Variants in BCL7B observed in about 807,000 individuals in gnomAD.
BCL7B encodes B-cell CLL/lymphoma 7 protein family member B.
BCL7B carries 11 observed loss-of-function variants against 26.5 expected under a neutral mutation model. That is an observed-to-expected ratio of 0.42 (90% confidence interval 0.26 to 0.69). The LOEUF is 0.69. BCL7B is among the 30% of genes least tolerant of loss of function. The probability of loss-of-function intolerance (pLI) is 0.28; values close to 1 mark genes in which losing one functional copy is unlikely to be tolerated. For missense variants in BCL7B, 215 were observed against 264.4 expected, an observed-to-expected ratio of 0.81 and a Z score of 1.30; for synonymous variants, 111 against 107.9, an observed-to-expected ratio of 1.03 and a Z score of -0.18.
At chr7:73,557,170 G>A in intron 1 of BCL7B, 1 of 1,019,542 alleles carries the variant, frequency 9.8e-7, no homozygotes, top group Non-Finnish European at 1.2e-6. Flanking sequence ...GGGGAGGGCG[G>A]GCCCCGGGCT....
At chr7:73,552,789 GA>G (rs1261536153) in intron 1 of BCL7B, among the ~76,000 whole-genome samples, 51 of 144,634 alleles carry the variant, frequency 3.5e-4, no homozygotes, top group African/African-American at 8.6e-4. Flanking sequence ...AAGAAAGAAA[GA>G]AAAAAAAAAG....
At position 73,551,012 on chromosome 7, in the gene BCL7B, A is replaced by G. The variant is rs187030587; in HGVS notation, c.168+1155T>C. 3.5e-3 allele frequency among the ~76,000 whole-genome samples: 531 copies of G among 152,316 alleles called. 7 individuals are homozygous for G. The highest frequency in any genetic ancestry group is 0.032 in the Admixed American group (496 of 15,292). The stretch of plus-strand genomic sequence containing the variant: ...ATACACATATGAAACAATGCTATGT[A>G]TTTTTAAAGAATATACAGGTATCCA... On this transcript the variant is annotated intron_variant, in intron 2 of 5. Transcript: ENST00000223368.
intron 1 of BCL7B, among the ~76,000 whole-genome samples, chr7:73,554,598 G>A (rs1792294258): frequency 6.6e-6 from 1 of 151,670 alleles, no homozygotes; most frequent in Non-Finnish European, 1.5e-5. Context: ...AGGAGTTCGA[G>A]ACCAGCCTGG....
At chr7:73,547,706 T>C (rs1554583608) in intron 2 of BCL7B, among the ~76,000 whole-genome samples, 12 of 152,176 alleles carry the variant, frequency 7.9e-5, no homozygotes. Flanking sequence ...ATTTTCAACA[T>C]GAAAGTGAAA....
chr7:73,539,472 G>T (rs1023371448), intron 4 of BCL7B, among the ~76,000 whole-genome samples: 1 of 149,166 alleles, frequency 6.7e-6, no homozygotes, highest in East Asian at 2.0e-4. Context: ...GGCTGGTCTT[G>T]AACTCCTGGC....
intron 2 of BCL7B, among the ~76,000 whole-genome samples, chr7:73,545,207 A>G (rs1339635719): frequency 1.3e-5 from 2 of 152,054 alleles, no homozygotes; most frequent in Admixed American, 6.6e-5. Flanking sequence ...TTTTGTTAAT[A>G]ACTCAATTTT....
At position 73,557,620 on chromosome 7, in the gene BCL7B, G is replaced by A. The variant is rs1792427691; in HGVS notation, c.-42C>T. On this transcript the variant is annotated 5_prime_UTR_variant, in exon 1 of 6. Coordinates refer to ENST00000223368, the MANE Select transcript of BCL7B (RefSeq NM_001707.4). Reference sequence around the variant, plus strand: ...GCGGGGGCCGGGGCACTGCTCCCAAGACACCGGGGATCGCGCGCCTCACGC... The same window carrying A: ...GCGGGGGCCGGGGCACTGCTCCCAAAACACCGGGGATCGCGCGCCTCACGC... 1.6e-5 allele frequency: 18 copies of A among 1,139,144 alleles called. No individual in the cohort carries two copies. The highest frequency in any genetic ancestry group is 4.7e-5 in the Admixed American group (1 of 21,292). 70.6% of individuals were successfully genotyped at this position (1,139,144 alleles called of 1,614,324 possible). A position where few individuals can be genotyped will look rare whatever the true frequency, so the allele number is the denominator to read the frequency against.
In BCL7B at chr7:73,537,901, C is replaced by CA. The variant is rs782520818; in HGVS notation, c.516+32dup. 17 of 1,532,560 alleles carry CA rather than the reference C, an allele frequency of 1.1e-5. No individual in the cohort carries two copies. In the African/African-American group the frequency reaches 1.7e-4, roughly 15 times the overall value. The allele number at this position is 1,532,560 out of a possible 1,614,324, so 94.9% of individuals were successfully genotyped here. A position where few individuals can be genotyped will look rare whatever the true frequency, so the allele number is the denominator to read the frequency against. On this transcript the variant is annotated intron_variant, in intron 5 of 5. Transcript: ENST00000223368. ...GAGACCCTGCCTTAAACCAAAAAAA[C>CA]AAAAAACTGGAAAACTCAAAGTGAT...
intron 1 of BCL7B, among the ~76,000 whole-genome samples, chr7:73,555,581 A>G (rs901509148): frequency 6.6e-6 from 1 of 152,112 alleles, no homozygotes; most frequent in South Asian, 2.1e-4. Context: ...GAGGAAGAAG[A>G]ATGCCAGGCG....
intron 4 of BCL7B, among the ~76,000 whole-genome samples, chr7:73,538,815 T>TAAAAAAAA: frequency 1.1e-5 from 1 of 94,564 alleles, no homozygotes; most frequent in Non-Finnish European, 2.2e-5. Flanking sequence ...CCTATCTCTT[T>TAAAAAAAA]AAAAAAAAAA....
chr7:73,541,794 G>C lies in BCL7B; in HGVS notation c.266-1742C>G, dbSNP rs1179396291. On this transcript the variant is annotated intron_variant, in intron 3 of 5. Coordinates refer to ENST00000223368, the MANE Select transcript of BCL7B (RefSeq NM_001707.4). ...ACCCAGTACTTCTTAGGAGAGGCAG[G>C]AGCTGGCCTTATCGCAACATAGGAA... Among the ~76,000 whole-genome samples, 15 of 152,270 alleles carry C rather than the reference G, an allele frequency of 9.9e-5. No individual in the cohort carries two copies. In the South Asian group the frequency reaches 3.1e-3, roughly 32 times the overall value.
chr7:73,557,040 C>T, intron 1 of BCL7B: 1 of 987,604 alleles, frequency 1.0e-6, no homozygotes, highest in Non-Finnish European at 1.2e-6. Flanking sequence ...CAGAAACTCA[C>T]CCAACTTCAA....
chr7:73,555,217 G>C (rs1207294171), intron 1 of BCL7B, among the ~76,000 whole-genome samples: 2 of 151,968 alleles, frequency 1.3e-5, no homozygotes, highest in East Asian at 3.9e-4. Flanking sequence ...GACCAGCTTG[G>C]CCAACATGGT....
intron 1 of BCL7B, among the ~76,000 whole-genome samples, chr7:73,556,326 G>A (rs1207063388): frequency 2.6e-5 from 4 of 152,048 alleles, no homozygotes; most frequent in Non-Finnish European, 4.4e-5. Flanking sequence ...TTCCTGGCGG[G>A]AGGTAACATC....
In BCL7B at chr7:73,536,471, A is replaced by G. The variant is rs1164254639; in HGVS notation, c.*827T>C. On this transcript the variant is annotated 3_prime_UTR_variant, in exon 6 of 6. Transcript: ENST00000223368. The stretch of plus-strand genomic sequence containing the variant: ...TTTTTGAAACAAAAAATAAAATCAC[A>G]AAGTTCAATTCAACATGCAGATTTC... 6.6e-6 allele frequency: 1 copy of G among 152,616 alleles called. No homozygotes were observed. The highest frequency in any genetic ancestry group is 1.5e-5 in the Non-Finnish European group (1 of 68,046). The allele number at this position is 152,616 out of a possible 1,614,324, so 9.5% of individuals were successfully genotyped here. A position where few individuals can be genotyped will look rare whatever the true frequency, so the allele number is the denominator to read the frequency against.
intron 2 of BCL7B, among the ~76,000 whole-genome samples, chr7:73,545,675 A>G (rs1791926454): frequency 6.6e-6 from 1 of 152,160 alleles, no homozygotes; most frequent in Non-Finnish European, 1.5e-5. Context: ...CATCAACTCC[A>G]TGAGTTTGGC....
At chr7:73,537,862 G>T in intron 5 of BCL7B, 72 bp downstream of exon 5, 2 of 1,157,866 alleles carry the variant, frequency 1.7e-6, no homozygotes, top group Non-Finnish European at 2.5e-6. Flanking sequence ...CTGCACTCTA[G>T]TCTGGGCAAC....
At chr7:73,557,382 C>T in intron 1 of BCL7B, 105 bp downstream of exon 1, 1 of 1,182,702 alleles carries the variant, frequency 8.5e-7, no homozygotes, top group Middle Eastern at 3.5e-4. Context: ...CCGCACCCCC[C>T]TCCCCCAGCG....
At chr7:73,547,091 G>A (rs1429266697) in intron 2 of BCL7B, among the ~76,000 whole-genome samples, 6 of 152,162 alleles carry the variant, frequency 3.9e-5, no homozygotes, top group African/African-American at 1.4e-4. Flanking sequence ...GGTGGAGGTT[G>A]CGGTGAGCTG....
Sources: gnomAD v4.1 joint callset for allele counts (sites outside exome capture counted in the v4.1 genomes callset) on GRCh38, gnomAD v4.1.1 for gene constraint, MANE v1.5 for transcripts, NCBI Gene and HGNC (gene_info 2026-07-23, HGNC 2026-07-21) for gene names.